Variants in SLC8A1 observed in about 807,000 individuals in gnomAD.
SLC8A1 encodes solute carrier family 8 member A1.
Under a neutral mutation model 68.3 loss-of-function variants are expected in SLC8A1, and 18 were observed. The observed-to-expected ratio is 0.26, with a 90% CI of 0.18 to 0.39. The LOEUF is 0.39. SLC8A1 is among the 10% of genes least tolerant of loss of function. The pLI, the probability that SLC8A1 is intolerant of heterozygous loss-of-function variation, is 1.00. For missense variants in SLC8A1, 985 were observed against 1,156.7 expected, an observed-to-expected ratio of 0.85 and a Z score of 2.15; for synonymous variants, 475 against 415.5, an observed-to-expected ratio of 1.14 and a Z score of -1.74.
rs142581884 is a variant in SLC8A1, at chr2:40,464,222, G to A, written c.-24-33918C>T. Among the ~76,000 whole-genome samples, 123 of 152,170 alleles carry A rather than the reference G, an allele frequency of 8.1e-4. 3 individuals are homozygous for A. The East Asian group carries it at 0.02, about 25-fold the overall frequency. ...AAGAGGATACATACAAATATATTTC[G>A]GGCAGTTCCCTGAACCAGATAGGTT... On this transcript the variant is annotated intron_variant, in intron 1 of 7. Coordinates refer to the SLC8A1 transcript ENST00000402441.
At chr2:40,433,781 T>C (rs1184015760) in intron 1 of SLC8A1, among the ~76,000 whole-genome samples, 1 of 152,124 alleles carries the variant, frequency 6.6e-6, no homozygotes, top group Non-Finnish European at 1.5e-5. Flanking sequence ...TCCCTGATAG[T>C]GTGTGAAGTA....
chr2:40,220,825 G>A (rs1195941957), intron 2 of SLC8A1, among the ~76,000 whole-genome samples: 1 of 151,716 alleles, frequency 6.6e-6, no homozygotes, highest in Non-Finnish European at 1.5e-5. Context: ...ATGAGGAAGA[G>A]AAAGAGCTTA....
At chr2:40,246,994 C>G (rs1264218770) in intron 2 of SLC8A1, among the ~76,000 whole-genome samples, 2 of 152,116 alleles carry the variant, frequency 1.3e-5, no homozygotes, top group African/African-American at 4.8e-5. Flanking sequence ...TCTTTTCTTA[C>G]ATGTTAAGAA....
At chr2:40,228,121 T>G (rs897998553) in intron 2 of SLC8A1, among the ~76,000 whole-genome samples, 3 of 152,194 alleles carry the variant, frequency 2.0e-5, no homozygotes, top group Non-Finnish European at 4.4e-5. Context: ...TCAGTGCAAG[T>G]GTTGACAAAT....
At chr2:40,462,567 G>A (rs1703412927) in intron 1 of SLC8A1, among the ~76,000 whole-genome samples, 1 of 151,500 alleles carries the variant, frequency 6.6e-6, no homozygotes, top group Admixed American at 6.6e-5. Flanking sequence ...CCAGCACCTT[G>A]GGAAGCCTGG....
At chr2:40,393,220 A>G (rs1303142984) in intron 2 of SLC8A1, among the ~76,000 whole-genome samples, 1 of 120,666 alleles carries the variant, frequency 8.3e-6, no homozygotes, top group East Asian at 2.9e-4. Flanking sequence ...GAAAATTCCG[A>G]AAGTACAATG....
At chr2:40,322,821 A>AAC (rs5830620) in intron 2 of SLC8A1, among the ~76,000 whole-genome samples, 4,289 of 147,668 alleles carry the variant, frequency 0.029, 74 homozygotes, top group African/African-American at 0.055. Context: ...TTTATTGGGT[A>AAC]ACACACACAC....
chr2:40,464,899 A>G (rs1306808458), intron 1 of SLC8A1, among the ~76,000 whole-genome samples: 5 of 152,174 alleles, frequency 3.3e-5, no homozygotes, highest in Non-Finnish European at 7.3e-5. Flanking sequence ...CTGATTAGAT[A>G]ATAAATGAGA....
In SLC8A1 at chr2:40,326,376, C is replaced by A. The variant is rs772093270; in HGVS notation, c.1808+102097G>T. Among the ~76,000 whole-genome samples, 188 of 151,690 alleles carry A rather than the reference C, an allele frequency of 1.2e-3. 1 individual carries two copies. Among genetic ancestry groups the A allele is most frequent in the Non-Finnish European group, 1.2e-3 (83 of 67,934 alleles). On this transcript the variant is annotated intron_variant, in intron 2 of 7. Coordinates refer to ENST00000406785, the Ensembl canonical transcript of SLC8A1. The stretch of plus-strand genomic sequence containing the variant: ...TCATAATATAGATTAGAGGAAAGAT[C>A]AAAAATAGTCATAGCTTTTGAAACC...
At chr2:40,428,030 A>G (rs1442487758) in intron 2 of SLC8A1, among the ~76,000 whole-genome samples, 2 of 152,154 alleles carry the variant, frequency 1.3e-5, no homozygotes, top group Non-Finnish European at 2.9e-5. Context: ...AATTATTTTC[A>G]GGGTGTTTCC....
chr2:40,460,723 C>T (rs978031374), intron 1 of SLC8A1, among the ~76,000 whole-genome samples: 7 of 152,032 alleles, frequency 4.6e-5, no homozygotes, highest in South Asian at 2.1e-4. Flanking sequence ...AGGCAGGCAC[C>T]GCCATGCCCA....
chr2:40,122,254 T>G (rs956547849), intron 7 of SLC8A1, among the ~76,000 whole-genome samples: 17 of 149,202 alleles, frequency 1.1e-4, no homozygotes, highest in East Asian at 2.0e-4. Flanking sequence ...ACACACACAC[T>G]TCACTGGTTC....
At chr2:40,300,976 G>C (rs188107690) in intron 2 of SLC8A1, among the ~76,000 whole-genome samples, 1 of 152,112 alleles carries the variant, frequency 6.6e-6, no homozygotes, top group Non-Finnish European at 1.5e-5. Context: ...ATGAGGATAG[G>C]GATATTTCAA....
intron 2 of SLC8A1, among the ~76,000 whole-genome samples, chr2:40,399,416 A>T (rs1264710536): frequency 6.6e-6 from 1 of 152,076 alleles, no homozygotes; most frequent in East Asian, 1.9e-4. Flanking sequence ...GATTATGGCC[A>T]CTGCAACCTT....
chr2:40,177,954 G>T, intron 2 of SLC8A1: 1 of 797,348 alleles, frequency 1.3e-6, no homozygotes, highest in Non-Finnish European at 2.1e-6. Context: ...GTTATGGAGG[G>T]AGAACTGGCA....
At chr2:40,311,197 T>G (rs901895798) in intron 2 of SLC8A1, among the ~76,000 whole-genome samples, 1 of 152,018 alleles carries the variant, frequency 6.6e-6, no homozygotes, top group African/African-American at 2.4e-5. Flanking sequence ...GCCCAAAATA[T>G]GCACATAAAT....
At chr2:40,412,976 T>C (rs949157996) in intron 2 of SLC8A1, among the ~76,000 whole-genome samples, 34 of 152,194 alleles carry the variant, frequency 2.2e-4, no homozygotes, top group African/African-American at 7.5e-4. Context: ...TATGTATACA[T>C]GTGCCATGTT....
Position 40,430,396 on chromosome 2 carries a change from C to T in SLC8A1, c.-24-92G>A, listed in dbSNP as rs570268949. ...TTACTAATTACTTATTTTTATTACT[C>T]TTACCAAAATTTGTTTATATTTGAC... On this transcript the variant is annotated intron_variant, in intron 1 of 7. Transcript: ENST00000406785. 2.3e-6 allele frequency: 3 copies of T among 1,324,498 alleles called. No homozygotes were observed. The African/African-American group carries it at 4.5e-5, about 20-fold the overall frequency. The allele number at this position is 1,324,498 out of a possible 1,614,324, so 82.0% of individuals were successfully genotyped here. A position where few individuals can be genotyped will look rare whatever the true frequency, so the allele number is the denominator to read the frequency against.
At chr2:40,507,320 A>G (rs1036366721) in intron 1 of SLC8A1, among the ~76,000 whole-genome samples, 6 of 152,014 alleles carry the variant, frequency 3.9e-5, no homozygotes, top group African/African-American at 1.4e-4. Flanking sequence ...GGAGACTACA[A>G]GGATGAAATA....
Sources: allele counts gnomAD v4.1 joint callset (sites outside exome capture counted in the v4.1 genomes callset), GRCh38; gene constraint gnomAD v4.1.1; transcripts MANE v1.5; gene names NCBI Gene and HGNC (gene_info 2026-07-23, HGNC 2026-07-21).